The following MTHFD1 variants were observed in gnomAD, a reference collection of about 807,000 sequenced individuals.
MTHFD1 encodes methylenetetrahydrofolate dehydrogenase, cyclohydrolase and formyltetrahydrofolate synthetase 1.
In MTHFD1, 44 loss-of-function variants were observed where a neutral mutation model predicts 110.3. The ratio of observed to expected loss-of-function variants is 0.40; its 90% CI spans 0.31 to 0.51. The LOEUF (loss-of-function observed/expected upper bound fraction) is 0.51. Among genes scored for constraint, MTHFD1 ranks in the 20% least tolerant of loss-of-function variants. The pLI, the probability that MTHFD1 is intolerant of heterozygous loss-of-function variation, is 0.60. For missense variants in MTHFD1, 909 were observed against 1,173.1 expected, an observed-to-expected ratio of 0.77 and a Z score of 3.29; for synonymous variants, 402 against 428.8, an observed-to-expected ratio of 0.94 and a Z score of 0.77.
chr14:64,431,970 TC>T, intron 15 of MTHFD1, 109 bp downstream of exon 15: 1 of 904,522 alleles, frequency 1.1e-6, no homozygotes, highest in Non-Finnish European at 1.8e-6. Flanking sequence ...TGAAGTTACA[TC>T]AGTAATCATA....
At chr14:64,421,822 T>A (rs1248468324) in intron 8 of MTHFD1, among the ~76,000 whole-genome samples, 22 of 152,074 alleles carry the variant, frequency 1.4e-4, no homozygotes, top group East Asian at 1.9e-4. Flanking sequence ...AGACGGGGTT[T>A]CACCATGTTA....
intron 24 of MTHFD1, 21 bp downstream of exon 24, chr14:64,449,643 A>C: frequency 6.2e-7 from 1 of 1,612,370 alleles, no homozygotes; most frequent in South Asian, 1.1e-5. Context: ...TGCTGTCTGC[A>C]AAAAAAGAAA....
At position 64,441,542 on chromosome 14, in the gene MTHFD1, C is replaced by G. The variant is rs573959885; in HGVS notation, c.1884+89C>G. On this transcript the variant is annotated intron_variant, in intron 19 of 27. Transcript: ENST00000652337. ...AGCACACTTGCAAGGCGCGGTGGCTCACACCTGTAATCCCAGCACTTTGGG... is the reference window on the plus strand; with the variant it reads ...AGCACACTTGCAAGGCGCGGTGGCTGACACCTGTAATCCCAGCACTTTGGG... 6.6e-5 allele frequency: 82 copies of G among 1,238,562 alleles called. No homozygotes were observed. The East Asian group carries it at 1.8e-3, about 27-fold the overall frequency. The allele number at this position is 1,238,562 out of a possible 1,614,324, so 76.7% of individuals were successfully genotyped here. A position where few individuals can be genotyped will look rare whatever the true frequency, so the allele number is the denominator to read the frequency against.
At position 64,443,614 on chromosome 14, in the gene MTHFD1, C is replaced by A. The variant is rs2078265143; in HGVS notation, c.2137-1079C>A. Among the ~76,000 whole-genome samples the A allele has an allele frequency of 2.0e-5, 3 of 152,188 alleles. No individual in the cohort carries two copies. In the South Asian group the frequency reaches 6.2e-4, roughly 31 times the overall value. On this transcript the variant is annotated intron_variant, in intron 21 of 27. Coordinates refer to ENST00000652337, the MANE Select transcript of MTHFD1 (RefSeq NM_005956.4). ...GAATGCTGCCATAACAACCCCAGCACCCCTATCCAGTCTTAGTTATCCCTG... is the reference window on the plus strand; with the variant it reads ...GAATGCTGCCATAACAACCCCAGCAACCCTATCCAGTCTTAGTTATCCCTG...
At chr14:64,405,450 C>G (rs1380095302) in intron 2 of MTHFD1, among the ~76,000 whole-genome samples, 4 of 152,172 alleles carry the variant, frequency 2.6e-5, no homozygotes, top group Admixed American at 6.5e-5. Context: ...TTCTGTGATA[C>G]AAGGTTTATA....
intron 12 of MTHFD1, among the ~76,000 whole-genome samples, chr14:64,428,113 T>TG (rs896694255): frequency 6.9e-6 from 1 of 145,478 alleles, no homozygotes; most frequent in African/African-American, 2.5e-5. Context: ...TTTTTTTTTT[T>TG]TTTTTTTTTT....
rs1249171303 is a variant in MTHFD1 at position 64,458,222 on chromosome 14, A to G, written c.2727A>G (p.Thr909=). The G allele has an allele frequency of 4.3e-6, 7 of 1,610,920 alleles. No homozygotes were observed. The highest frequency in any genetic ancestry group is 5.1e-6 in the Non-Finnish European group (6 of 1,177,152). The stretch of plus-strand genomic sequence containing the variant: ...GCTTTTTTACATCCTAGATGAGCAC[A>G]ATGCCTGGACTCCCCACCCGGCCCT... ...FLYPLVGTMS[T]MPGLPTRPCF... is the part of the protein sequence containing the mutation. Residue 909 remains threonine, a synonymous_variant, in exon 27 of 28, where the codon ACA becomes ACG. Transcript: ENST00000652337.
chr14:64,428,290 AT>A (rs1271923482), intron 12 of MTHFD1, among the ~76,000 whole-genome samples: 3 of 146,094 alleles, frequency 2.1e-5, no homozygotes, highest in Admixed American at 1.4e-4. Flanking sequence ...TAATTTTTGT[AT>A]TTTTGGTAGA....
chr14:64,403,120 A>C (rs931282506), intron 2 of MTHFD1, among the ~76,000 whole-genome samples: 1 of 150,698 alleles, frequency 6.6e-6, no homozygotes, highest in African/African-American at 2.4e-5. Flanking sequence ...CACCATGCCT[A>C]ATTTTTTTTT....
chr14:64,428,102 G>GTTTTTTTTTTTTT (rs11289659), intron 12 of MTHFD1, among the ~76,000 whole-genome samples: 1 of 74,686 alleles, frequency 1.3e-5, no homozygotes, highest in Non-Finnish European at 2.5e-5. Context: ...AAGAACATGT[G>GTTTTTTTTTTTTT]TTTTTTTTTT....
chr14:64,439,987 G>A (rs2078235701), intron 17 of MTHFD1, 139 bp from the exon 18 acceptor site: 1 of 576,114 alleles, frequency 1.7e-6, no homozygotes, highest in Admixed American at 3.4e-5. Context: ...TTTTCATTAA[G>A]TATTTTGGGT....
Position 64,448,204 on chromosome 14 carries a change from G to C in MTHFD1, c.2179-13G>C. On this transcript the variant is annotated splice_polypyrimidine_tract_variant and intron_variant, in intron 22 of 27. Coordinates refer to ENST00000652337, the MANE Select transcript of MTHFD1 (RefSeq NM_005956.4). Reference sequence around the variant, plus strand: ...TCTCTGATCTCATAGGCCTTTCACTGTTGTTTTTACAGAACCTGGAGCTGG... The same window carrying C: ...TCTCTGATCTCATAGGCCTTTCACTCTTGTTTTTACAGAACCTGGAGCTGG... 6.2e-7 allele frequency: 1 copy of C among 1,606,170 alleles called. No homozygotes were observed. The highest frequency in any genetic ancestry group is 8.5e-7 in the Non-Finnish European group (1 of 1,172,890).
intron 12 of MTHFD1, among the ~76,000 whole-genome samples, chr14:64,428,182 C>T (rs762905144): frequency 3.6e-5 from 5 of 139,644 alleles, no homozygotes; most frequent in African/African-American, 5.4e-5. Flanking sequence ...GGTGTGATCT[C>T]GGCTCATTGC....
Position 64,415,469 on chromosome 14 carries a change from A to G in MTHFD1, c.352A>G (p.Ile118Val), listed in dbSNP as rs367651399. The change falls in exon 5 of 28, where the codon ATT becomes GTT. Residue 118 changes from isoleucine to valine, a missense_variant. Around this residue, in one of 3 missense-constraint regions of MTHFD1, gnomAD observed 424 missense variants for 510.4 expected, o/e 0.83. Transcript: ENST00000652337. ...TAACACTGAAGAAGTGATCAATGCT[A>G]TTGCACCCGAGAAGGATGTGGATGG... ...SINTEEVINA[I>V]APEKDVDGLT... 1.9e-6 allele frequency: 3 copies of G among 1,614,042 alleles called. No homozygotes were observed. Among genetic ancestry groups the G allele is most frequent in the Non-Finnish European group, 2.5e-6 (3 of 1,180,028 alleles).
chr14:64,425,870 G>A, intron 10 of MTHFD1, 43 bp downstream of exon 10: 1 of 1,596,224 alleles, frequency 6.3e-7, no homozygotes, highest in Non-Finnish European at 8.6e-7. Context: ...GTGAATTGTT[G>A]GTTTTTAGTT....
intron 3 of MTHFD1, among the ~76,000 whole-genome samples, chr14:64,412,029 G>A (rs575083150): frequency 6.6e-6 from 1 of 152,132 alleles, no homozygotes; most frequent in Non-Finnish European, 1.5e-5. Flanking sequence ...CTGGTGGGCT[G>A]GGGGGATTTA....
intron 24 of MTHFD1, among the ~76,000 whole-genome samples, chr14:64,450,545 A>G (rs1056964306): frequency 3.9e-5 from 6 of 152,188 alleles, no homozygotes; most frequent in African/African-American, 9.6e-5. Flanking sequence ...GGTTCTTATT[A>G]TAGGGTTGTG....
chr14:64,418,254 G>A (rs1367297678), intron 7 of MTHFD1, among the ~76,000 whole-genome samples: 5 of 151,976 alleles, frequency 3.3e-5, no homozygotes, highest in Admixed American at 3.3e-4. Context: ...TTTGAGACCA[G>A]CCTGGGCAAC....
At chr14:64,455,051 C>G in intron 26 of MTHFD1, 176 bp downstream of exon 26, 1 of 668,896 alleles carries the variant, frequency 1.5e-6, no homozygotes, top group South Asian at 1.7e-5. Context: ...CTATATAGCT[C>G]TTGCTGTGGA....
Sources: allele counts gnomAD v4.1 joint callset (sites outside exome capture counted in the v4.1 genomes callset), GRCh38; gene constraint gnomAD v4.1.1; regional missense constraint gnomAD v4.1.1; transcripts MANE v1.5; gene names NCBI Gene and HGNC (gene_info 2026-07-23, HGNC 2026-07-21).